Variants in KANK1 observed in about 807,000 individuals in gnomAD.
KANK1 encodes KN motif and ankyrin repeat domains 1, also known as KN motif and ankyrin repeat domain-containing protein 1.
In KANK1, 109 loss-of-function variants were observed where a neutral mutation model predicts 106.2. That is an observed-to-expected ratio of 1.03 (90% CI 0.88 to 1.20). The LOEUF is 1.20. Among genes scored for constraint, KANK1 ranks in the 50% most tolerant of loss-of-function variants. KANK1 has a pLI of 0.00. For missense variants in KANK1, 2,399 were observed against 1,710.7 expected, an observed-to-expected ratio of 1.40 and a Z score of -7.10; for synonymous variants, 873 against 652.2, an observed-to-expected ratio of 1.34 and a Z score of -5.16.
At chr9:597,252 C>T (rs1328749107) in intron 1 of KANK1, among the ~76,000 whole-genome samples, 1 of 151,784 alleles carries the variant, frequency 6.6e-6, no homozygotes, top group Non-Finnish European at 1.5e-5. Context: ...GGTGTAATTG[C>T]TGGGTTATAT....
At chr9:721,530 A>G (rs183109121) in intron 3 of KANK1, among the ~76,000 whole-genome samples, 2 of 152,338 alleles carry the variant, frequency 1.3e-5, no homozygotes, top group East Asian at 3.9e-4. Context: ...TCCCACTATG[A>G]TTGGTCTTTG....
intron 1 of KANK1, among the ~76,000 whole-genome samples, chr9:671,255 G>C (rs1374990981): frequency 2.6e-5 from 4 of 151,024 alleles, no homozygotes; most frequent in Non-Finnish European, 5.9e-5. Context: ...TTGTTTTTCA[G>C]TTTTGGAAGT....
intron 1 of KANK1, among the ~76,000 whole-genome samples, chr9:668,584 C>G (rs1465158126): frequency 6.6e-6 from 1 of 151,988 alleles, no homozygotes. Flanking sequence ...GGTTAAGTGA[C>G]TTTCTCTGGT....
At chr9:707,206 G>C (rs973173186) in intron 2 of KANK1, 14 of 986,064 alleles carry the variant, frequency 1.4e-5, no homozygotes, top group Admixed American at 6.1e-5. Flanking sequence ...CGAGCTGTGC[G>C]GGGCAGCGCG....
intron 1 of KANK1, among the ~76,000 whole-genome samples, chr9:658,485 G>C (rs990349961): frequency 6.6e-6 from 1 of 151,996 alleles, no homozygotes; most frequent in Admixed American, 6.6e-5. Context: ...AAAAAAGATT[G>C]TAATTTTGAT....
intron 1 of KANK1, among the ~76,000 whole-genome samples, chr9:533,667 A>T (rs2060165782): frequency 6.6e-6 from 1 of 152,152 alleles, no homozygotes; most frequent in Non-Finnish European, 1.5e-5. Flanking sequence ...CAAGGATGAG[A>T]GAGGCTGTGT....
chr9:658,672 G>A (rs1483441652), intron 1 of KANK1, among the ~76,000 whole-genome samples: 4 of 152,202 alleles, frequency 2.6e-5, no homozygotes, highest in South Asian at 2.1e-4. Context: ...AGACGGTTAA[G>A]AAGATTCATT....
chr9:510,334 G>A (rs898490090), intron 1 of KANK1, among the ~76,000 whole-genome samples: 1 of 152,120 alleles, frequency 6.6e-6, no homozygotes, highest in Non-Finnish European at 1.5e-5. Flanking sequence ...ATATAAGAAG[G>A]ATCATACCAT....
intron 1 of KANK1, among the ~76,000 whole-genome samples, chr9:568,180 A>G (rs192755750): frequency 6.6e-6 from 1 of 152,324 alleles, no homozygotes; most frequent in Admixed American, 6.5e-5. Flanking sequence ...CTTATCTATA[A>G]TGCATGTTAA....
chr9:598,918 C>T (rs760050589), intron 1 of KANK1, among the ~76,000 whole-genome samples: 9 of 149,798 alleles, frequency 6.0e-5, no homozygotes, highest in Non-Finnish European at 8.9e-5. Context: ...GGGCATGAGC[C>T]ACCATGCCCG....
At chr9:491,265 A>C (rs2058373057) in intron 3 of KANK1, among the ~76,000 whole-genome samples, 1 of 148,240 alleles carries the variant, frequency 6.7e-6, no homozygotes. Context: ...CCACTCCTGG[A>C]GTGCATTTTC....
At position 738,561 on chromosome 9, in the gene KANK1, T is replaced by A. The variant is rs533892658; in HGVS notation, c.3553+57T>A. The A allele has an allele frequency of 9.3e-5, 130 of 1,395,082 alleles. 1 individual carries two copies. The South Asian group carries it at 9.6e-4, about 10-fold the overall frequency. 86.4% of individuals were successfully genotyped at this position (1,395,082 alleles called of 1,614,324 possible). On this transcript the variant is annotated intron_variant, in intron 8 of 11. Coordinates refer to ENST00000382297, the MANE Select transcript of KANK1 (RefSeq NM_015158.5). ...CTAACAGTACTTGGGTTGTGACTCA[T>A]CTCAGAGAACCTGGTTGAGCCACTC...
chr9:600,215 C>T (rs1482713617), intron 1 of KANK1, among the ~76,000 whole-genome samples: 1 of 151,808 alleles, frequency 6.6e-6, no homozygotes, highest in Non-Finnish European at 1.5e-5. Context: ...CCCTCTTCCC[C>T]TGGCAGCCAT....
In KANK1 at chr9:505,186, C is replaced by G. The variant is rs369313940; in HGVS notation, c.-84+432C>G. On this transcript the variant is annotated intron_variant, in intron 1 of 11. Transcript: ENST00000382297. ...GGCCCTTCCCTAGCCCGGGGCGGAA[C>G]GGGGGACCCTCTCTGAAGCGGCTCT... 5.2e-4 allele frequency among the ~76,000 whole-genome samples: 79 copies of G among 152,236 alleles called. 1 individual carries two copies. In the East Asian group the frequency reaches 0.012, roughly 24 times the overall value.
At chr9:548,763 C>T (rs542572877) in intron 1 of KANK1, among the ~76,000 whole-genome samples, 1 of 151,918 alleles carries the variant, frequency 6.6e-6, no homozygotes, top group Non-Finnish European at 1.5e-5. Context: ...TTTATAATGA[C>T]CACGTTATGT....
intron 1 of KANK1, among the ~76,000 whole-genome samples, chr9:554,744 A>G (rs1393821122): frequency 6.6e-6 from 1 of 152,226 alleles, no homozygotes; most frequent in Non-Finnish European, 1.5e-5. Flanking sequence ...ATTGAGAATT[A>G]CTATATTTTG....
At chr9:535,650 T>A (rs1269639110) in intron 1 of KANK1, among the ~76,000 whole-genome samples, 1 of 152,160 alleles carries the variant, frequency 6.6e-6, no homozygotes, top group African/African-American at 2.4e-5. Context: ...GTCCCTGAGT[T>A]GTTAGGGCCT....
chr9:514,134 C>CCCTCCCTCCCTT (rs2059158656), intron 1 of KANK1, among the ~76,000 whole-genome samples: 1 of 98,962 alleles, frequency 1.0e-5, no homozygotes, highest in Admixed American at 8.7e-5. Flanking sequence ...CTCTCTCCCT[C>CCCTCCCTCCCTT]CCTCCCTCCC....
intron 3 of KANK1, among the ~76,000 whole-genome samples, chr9:499,450 G>A (rs2058512574): frequency 6.6e-6 from 1 of 152,186 alleles, no homozygotes; most frequent in Non-Finnish European, 1.5e-5. Context: ...AGCCCCAGAT[G>A]AAGCTGGCAT....
Sources: allele counts gnomAD v4.1 joint callset (sites outside exome capture counted in the v4.1 genomes callset), GRCh38; gene constraint gnomAD v4.1.1; transcripts MANE v1.5; gene names NCBI Gene and HGNC (gene_info 2026-07-23, HGNC 2026-07-21).